The following WDR72 variants were observed in gnomAD, a reference collection of about 807,000 sequenced individuals.
WDR72 encodes WD repeat-containing protein 72.
Under a neutral mutation model 124.2 loss-of-function variants are expected in WDR72, and 120 were observed. The observed-to-expected ratio is 0.97, with a 90% CI of 0.83 to 1.12. The LOEUF is 1.12. WDR72 is among the 50% of genes most tolerant of loss of function. The pLI is 0.00. For missense variants in WDR72, 1,387 were observed against 1,278.8 expected (o/e 1.08, Z -1.29); for synonymous variants, 452 against 441.7 (o/e 1.02, Z -0.29).
At chr15:53,520,938 G>T (rs1264490005) in intron 19 of WDR72, among the ~76,000 whole-genome samples, 1 of 152,010 alleles carries the variant, frequency 6.6e-6, no homozygotes, top group African/African-American at 2.4e-5. Flanking sequence ...TACTAAACAA[G>T]CACCTCTGTC....
At chr15:53,603,681 A>G (rs2013144752) in intron 17 of WDR72, among the ~76,000 whole-genome samples, 1 of 152,194 alleles carries the variant, frequency 6.6e-6, no homozygotes, top group Non-Finnish European at 1.5e-5. Flanking sequence ...TAGCATTCCT[A>G]TAAACAACAG....
At chr15:53,733,223 T>C in intron 1 of WDR72, 62 bp from the exon 2 acceptor site, 2 of 1,567,844 alleles carry the variant, frequency 1.3e-6, no homozygotes, top group Non-Finnish European at 1.7e-6. Context: ...AGGAAACCGA[T>C]AATATTACAA....
Position 53,616,236 on chromosome 15 carries a change from T to A in WDR72, c.1970A>T (p.Asp657Val). 6.2e-7 allele frequency: 1 copy of A among 1,600,514 alleles called. No individual in the cohort carries two copies. The highest frequency in any genetic ancestry group is 1.1e-5 in the South Asian group (1 of 90,946). Reference protein sequence around the residue: ...LQVESSCKVTDAKFCPRPFNV... With the variant: ...LQVESSCKVTVAKFCPRPFNV... ...AAAAGGTCTTGGGCAAAATTTGGCA[T>A]CAGTAACCTAAGGGAACAAAAAATA... The change falls in exon 15 of 20, where the codon GAT becomes GTT. Residue 657 changes from aspartate to valine, a missense_variant. Transcript: ENST00000360509.
At chr15:53,539,793 C>A (rs1208264334) in intron 18 of WDR72, among the ~76,000 whole-genome samples, 5 of 151,966 alleles carry the variant, frequency 3.3e-5, no homozygotes, top group African/African-American at 1.2e-4. Context: ...TACAAACTTA[C>A]CATCTTTATC....
At chr15:53,689,517 T>A (rs1301026527) in intron 13 of WDR72, among the ~76,000 whole-genome samples, 1 of 148,744 alleles carries the variant, frequency 6.7e-6, no homozygotes, top group African/African-American at 2.6e-5. Context: ...CACAATGAGA[T>A]ACCATCTCAC....
intron 17 of WDR72, among the ~76,000 whole-genome samples, chr15:53,599,411 G>T (rs1325912363): frequency 4.6e-5 from 7 of 151,990 alleles, no homozygotes; most frequent in Non-Finnish European, 1.5e-5. Context: ...ATTCCACCAC[G>T]ACAGTTACCA....
At chr15:53,632,669 C>T (rs2014476092) in intron 14 of WDR72, among the ~76,000 whole-genome samples, 1 of 152,218 alleles carries the variant, frequency 6.6e-6, no homozygotes, top group Admixed American at 6.5e-5. Flanking sequence ...CCTGGGAAGC[C>T]ACAGGGGTGA....
At chr15:53,665,364 G>A (rs141590840) in intron 14 of WDR72, among the ~76,000 whole-genome samples, 5 of 152,226 alleles carry the variant, frequency 3.3e-5, no homozygotes, top group African/African-American at 1.2e-4. Flanking sequence ...TGATAAGCCA[G>A]AACCTATTTT....
intron 17 of WDR72, among the ~76,000 whole-genome samples, chr15:53,599,500 G>T (rs2012944896): frequency 6.6e-6 from 1 of 152,144 alleles, no homozygotes. Flanking sequence ...GATACTGACA[G>T]AAATTAGGAT....
chr15:53,550,351 ACAGAT>A (rs1388328446), intron 18 of WDR72, among the ~76,000 whole-genome samples: 1 of 152,158 alleles, frequency 6.6e-6, no homozygotes, highest in African/African-American at 2.4e-5. Flanking sequence ...TTTACCAAAA[ACAGAT>A]AGCAGGCTGA....
At chr15:53,636,012 C>T (rs894968241) in intron 14 of WDR72, among the ~76,000 whole-genome samples, 11 of 152,058 alleles carry the variant, frequency 7.2e-5, no homozygotes, top group African/African-American at 1.2e-4. Flanking sequence ...GCTGGGAATA[C>T]GATTCATCCT....
intron 13 of WDR72, among the ~76,000 whole-genome samples, chr15:53,690,519 A>G (rs1228056142): frequency 6.6e-6 from 1 of 152,196 alleles, no homozygotes; most frequent in Non-Finnish European, 1.5e-5. Flanking sequence ...TATGTCATAT[A>G]AAAAAGAATC....
At chr15:53,657,007 G>A (rs1320726544) in intron 14 of WDR72, among the ~76,000 whole-genome samples, 1 of 152,072 alleles carries the variant, frequency 6.6e-6, no homozygotes, top group Non-Finnish European at 1.5e-5. Flanking sequence ...GCTCATGCCT[G>A]TAATCCCAGC....
rs764884282 is a variant in WDR72, at chr15:53,615,489, C to G, written c.2717G>C (p.Ser906Thr). 8.1e-6 allele frequency: 13 copies of G among 1,612,274 alleles called. No homozygotes were observed. Among genetic ancestry groups the G allele is most frequent in the Non-Finnish European group, 1.1e-5 (13 of 1,179,240 alleles). The change falls in exon 15 of 20, where the codon AGC (serine) becomes ACC (threonine). Residue 906 changes from serine (S) to threonine (T), a missense_variant. By Grantham distance (58) the Ser-to-Thr change is moderately conservative (BLOSUM62 1). Coordinates refer to ENST00000360509, the MANE Select transcript of WDR72 (RefSeq NM_182758.4). Reference protein sequence around the residue: ...RESDTIVYLLSRLFLVNKLVN... With the variant: ...RESDTIVYLLTRLFLVNKLVN... ...TAATTTATTAACTAAAAATAGTCTG[C>G]TCAACAAATAAACTATAGTATCTGA...
At chr15:53,590,743 T>G (rs1352756164) in intron 18 of WDR72, among the ~76,000 whole-genome samples, 1 of 152,068 alleles carries the variant, frequency 6.6e-6, no homozygotes, top group Non-Finnish European at 1.5e-5. Flanking sequence ...TCTGAATCTG[T>G]TTTCTCATCA....
chr15:53,728,273 C>T (rs1321475242), intron 2 of WDR72, among the ~76,000 whole-genome samples: 3 of 152,168 alleles, frequency 2.0e-5, no homozygotes, highest in East Asian at 3.9e-4. Flanking sequence ...GTGAGACTAA[C>T]TCACTTTCAC....
At chr15:53,604,772 C>A (rs546659301) in intron 17 of WDR72, among the ~76,000 whole-genome samples, 1 of 151,974 alleles carries the variant, frequency 6.6e-6, no homozygotes, top group Non-Finnish European at 1.5e-5. Flanking sequence ...AAAACCACAA[C>A]GAGATAATAC....
At chr15:53,695,885 G>T (rs147902336) in intron 13 of WDR72, among the ~76,000 whole-genome samples, 1 of 152,098 alleles carries the variant, frequency 6.6e-6, no homozygotes, top group Non-Finnish European at 1.5e-5. Context: ...CGTGAAAAAC[G>T]CAAGAGGCCT....
chr15:53,711,463 A>T lies in WDR72; in HGVS notation c.730T>A (p.Phe244Ile). ...KCWKVYDYCD[F>I]SLLLTEVSRN... is the part of the protein sequence containing the mutation. ...CTAACTTCAGTCAGCAGAAGGGAAA[A>T]ATCACAATAATCATAAACCTAAAAT... is the stretch of plus-strand genomic sequence containing the variant. The change falls in exon 8 of 20, where the codon TTT (phenylalanine) becomes ATT (isoleucine). Residue 244 changes from phenylalanine (F) to isoleucine (I), a missense_variant. Phe to Ile is a conservative substitution (Grantham distance 21). Transcript: ENST00000360509. 1 of 1,614,186 alleles carries T rather than the reference A, an allele frequency of 6.2e-7. No individual in the cohort carries two copies. The highest frequency in any genetic ancestry group is 8.5e-7 in the Non-Finnish European group (1 of 1,180,040).
Sources: gnomAD v4.1 joint callset for allele counts (sites outside exome capture counted in the v4.1 genomes callset) on GRCh38, gnomAD v4.1.1 for gene constraint, MANE v1.5 for transcripts, NCBI Gene and HGNC (gene_info 2026-07-23, HGNC 2026-07-21) for gene names.